Variants in GFRAL observed in about 807,000 individuals in gnomAD.
The protein encoded by GFRAL is GDNF family receptor alpha-like.
A neutral mutation model predicts 45.4 loss-of-function variants in GFRAL; 36 were observed. The ratio of observed to expected loss-of-function variants is 0.79; its 90% CI spans 0.61 to 1.05. The LOEUF (loss-of-function observed/expected upper bound fraction) is 1.05, where lower values mean the gene tolerates loss of function less well. Ranked by LOEUF, GFRAL falls within the 50% of genes least tolerant of loss-of-function variation. The probability of loss-of-function intolerance (pLI) is 0.00; values close to 1 mark genes in which losing one functional copy is unlikely to be tolerated. For synonymous variants in GFRAL, 166 were observed against 154.1 expected, an observed-to-expected ratio of 1.08 and a Z score of -0.57; for missense variants, 507 against 467.5, an observed-to-expected ratio of 1.08 and a Z score of -0.78.
chr6:55,401,297 TA>T (rs1441750012), intron 8 of GFRAL, among the ~76,000 whole-genome samples: 5 of 152,128 alleles, frequency 3.3e-5, no homozygotes, highest in Admixed American at 1.3e-4. Flanking sequence ...AAAGCCATCA[TA>T]AAAAGAACAA....
At chr6:55,341,646 G>A (rs115037212) in intron 3 of GFRAL, among the ~76,000 whole-genome samples, 2,006 of 152,240 alleles carry the variant, frequency 0.013, 21 homozygotes, top group Non-Finnish European at 0.022. Context: ...GCAACACCTC[G>A]CCAGCAATGG....
At chr6:55,348,705 C>T (rs1162759107) in intron 3 of GFRAL, among the ~76,000 whole-genome samples, 1 of 152,042 alleles carries the variant, frequency 6.6e-6, no homozygotes, top group Non-Finnish European at 1.5e-5. Context: ...ATCAGGGCCC[C>T]ACTCTTATGA....
At chr6:55,339,157 A>C (rs1562048681) in intron 3 of GFRAL, among the ~76,000 whole-genome samples, 1 of 152,168 alleles carries the variant, frequency 6.6e-6, no homozygotes, top group Non-Finnish European at 1.5e-5. Context: ...GATATGAGGA[A>C]TTTAAAATGT....
intron 6 of GFRAL, among the ~76,000 whole-genome samples, chr6:55,388,448 C>T (rs1179842346): frequency 6.6e-6 from 1 of 152,196 alleles, no homozygotes; most frequent in African/African-American, 2.4e-5. Context: ...CCAGGCCAGA[C>T]ATGATTCAAT....
intron 6 of GFRAL, among the ~76,000 whole-genome samples, chr6:55,394,256 G>T (rs1170971793): frequency 6.6e-6 from 1 of 152,144 alleles, no homozygotes; most frequent in Non-Finnish European, 1.5e-5. Flanking sequence ...TATCAAGAAG[G>T]TAGCTTGAAA....
intron 6 of GFRAL, among the ~76,000 whole-genome samples, chr6:55,395,175 A>AATATATATATATATAT (rs1234650477): frequency 1.5e-4 from 19 of 123,504 alleles, no homozygotes; most frequent in African/African-American, 6.2e-4. Context: ...AAAAAAAAAA[A>AATATATATATATATAT]ATATATATAT....
chr6:55,359,172 A>G (rs1562055492), intron 6 of GFRAL, 34 bp downstream of exon 6: 1 of 1,542,520 alleles, frequency 6.5e-7, no homozygotes, highest in South Asian at 1.1e-5. Context: ...CTGTCTATCT[A>G]TCTATCTATC....
At chr6:55,337,455 T>G (rs1380260601) in intron 3 of GFRAL, among the ~76,000 whole-genome samples, 1 of 152,222 alleles carries the variant, frequency 6.6e-6, no homozygotes, top group Non-Finnish European at 1.5e-5. Context: ...CTCTTCAATA[T>G]TCTGGAAAAG....
intron 3 of GFRAL, among the ~76,000 whole-genome samples, chr6:55,343,137 G>A (rs1000541885): frequency 2.0e-5 from 3 of 152,066 alleles, no homozygotes; most frequent in Non-Finnish European, 4.4e-5. Context: ...AAGGTAACAA[G>A]GATATCCAGG....
At chr6:55,390,081 G>T (rs1768728192) in intron 6 of GFRAL, among the ~76,000 whole-genome samples, 1 of 152,156 alleles carries the variant, frequency 6.6e-6, no homozygotes, top group African/African-American at 2.4e-5. Context: ...TTCCAAGGTG[G>T]GAATGTTCTT....
chr6:55,399,987 C>T (rs575978075), intron 8 of GFRAL, among the ~76,000 whole-genome samples: 1 of 152,220 alleles, frequency 6.6e-6, no homozygotes. Flanking sequence ...TTCTCCAAAT[C>T]TTGGCTGCTT....
Position 55,351,241 on chromosome 6 carries a change from C to G in GFRAL, c.371-12C>G, listed in dbSNP as rs758247040. On this transcript the variant is annotated splice_polypyrimidine_tract_variant and intron_variant, in intron 4 of 8. Coordinates refer to ENST00000340465, the MANE Select transcript of GFRAL (RefSeq NM_207410.2). ...TTACTTTTCCACGACCTGGGCATAT[C>G]ATTGCTTTCAGGATTCAAAGGGATG... 6 of 1,558,630 alleles carry G rather than the reference C, an allele frequency of 3.8e-6. No homozygotes were observed. In the African/African-American group the frequency reaches 4.1e-5, roughly 11 times the overall value.
intron 5 of GFRAL, among the ~76,000 whole-genome samples, chr6:55,357,282 G>A (rs1040077981): frequency 9.9e-5 from 15 of 151,738 alleles, no homozygotes; most frequent in African/African-American, 3.6e-4. Context: ...AATGCTGAAA[G>A]TGAGATGTTG....
chr6:55,378,396 A>G (rs1050556092), intron 6 of GFRAL, among the ~76,000 whole-genome samples: 1 of 152,074 alleles, frequency 6.6e-6, no homozygotes, highest in South Asian at 2.1e-4. Flanking sequence ...AGATCTTGGT[A>G]TAGGTATCAG....
At chr6:55,360,000 G>A (rs1768252267) in intron 6 of GFRAL, among the ~76,000 whole-genome samples, 1 of 151,888 alleles carries the variant, frequency 6.6e-6, no homozygotes, top group African/African-American at 2.4e-5. Context: ...TAACATGTCT[G>A]CTGATCAACC....
At chr6:55,329,218 T>C (rs1767800513) in intron 1 of GFRAL, among the ~76,000 whole-genome samples, 1 of 151,982 alleles carries the variant, frequency 6.6e-6, no homozygotes, top group Non-Finnish European at 1.5e-5. Flanking sequence ...CTTAGTTGAG[T>C]CAATATTTTG....
chr6:55,376,260 C>T (rs1768533322), intron 6 of GFRAL, among the ~76,000 whole-genome samples: 1 of 151,972 alleles, frequency 6.6e-6, no homozygotes, highest in Non-Finnish European at 1.5e-5. Flanking sequence ...TTCGGTTTGC[C>T]AATATTTAAT....
chr6:55,370,125 T>A (rs62419086), intron 6 of GFRAL, among the ~76,000 whole-genome samples: 17,050 of 152,048 alleles, frequency 0.11, 1,053 homozygotes, highest in African/African-American at 0.16. Flanking sequence ...TTTCACTACA[T>A]GATTAATAGT....
intron 6 of GFRAL, among the ~76,000 whole-genome samples, chr6:55,388,851 C>T (rs1396742900): frequency 1.3e-5 from 2 of 152,056 alleles, no homozygotes; most frequent in East Asian, 1.9e-4. Flanking sequence ...TCTTCTCTAC[C>T]AGCTTATTTT....
Sources: gnomAD v4.1 joint callset for allele counts (sites outside exome capture counted in the v4.1 genomes callset) on GRCh38, gnomAD v4.1.1 for gene constraint, MANE v1.5 for transcripts, NCBI Gene and HGNC (gene_info 2026-07-23, HGNC 2026-07-21) for gene names.